OSBP2: variants seen among roughly 807,000 people sequenced by gnomAD.
The protein encoded by OSBP2 is oxysterol binding protein 2, also known as oxysterol-binding protein 2.
Under a neutral mutation model 96.0 loss-of-function variants are expected in OSBP2, and 66 were observed. The observed-to-expected ratio is 0.69, with a 90% confidence interval of 0.56 to 0.84. OSBP2 has a LOEUF of 0.84. Among genes scored for constraint, OSBP2 ranks in the 40% least tolerant of loss-of-function variants. OSBP2 has a pLI of 0.00. For missense variants in OSBP2, 1,038 were observed against 1,222.7 expected (o/e 0.85, Z 2.25); for synonymous variants, 525 against 520.9 (o/e 1.01, Z -0.11).
In OSBP2 at chr22:30,890,377, G is replaced by A. The variant is rs1263202875; in HGVS notation, c.1624-351G>A. On this transcript the variant is annotated intron_variant, in intron 7 of 13. Transcript: ENST00000332585. The surrounding 1 kb of genome is among the most constrained non-coding windows in gnomAD (Gnocchi z 4.4). Reference sequence around the variant, plus strand: ...ACTTCCTCCACCCACAGACTCATGTGCCCATTCAGTCACTGCTTCCTAAGA... The same window carrying A: ...ACTTCCTCCACCCACAGACTCATGTACCCATTCAGTCACTGCTTCCTAAGA... Among the ~76,000 whole-genome samples, 1 of 152,108 alleles carries A rather than the reference G, an allele frequency of 6.6e-6. No individual in the cohort carries two copies. Among genetic ancestry groups the A allele is most frequent in the Admixed American group, 6.5e-5 (1 of 15,268 alleles).
intron 2 of OSBP2, among the ~76,000 whole-genome samples, chr22:30,802,671 C>T (rs1391665456): frequency 6.6e-6 from 1 of 152,252 alleles, no homozygotes; most frequent in East Asian, 1.9e-4. Context: ...GAGAAGAAGG[C>T]TAATCCCAGC....
intron 1 of OSBP2, among the ~76,000 whole-genome samples, chr22:30,724,095 T>G (rs1377715968): frequency 2.0e-5 from 3 of 152,168 alleles, no homozygotes; most frequent in Non-Finnish European, 4.4e-5. Context: ...CCGTCTCCAT[T>G]AGTTTTGCCT....
chr22:30,802,610 C>T (rs1335745351), intron 2 of OSBP2, among the ~76,000 whole-genome samples: 3 of 152,244 alleles, frequency 2.0e-5, no homozygotes, highest in African/African-American at 7.2e-5. Flanking sequence ...CTTCCGCTGC[C>T]CGCCTGCGTC....
chr22:30,782,467 C>T (rs1033835733), intron 2 of OSBP2, among the ~76,000 whole-genome samples: 36 of 152,146 alleles, frequency 2.4e-4, no homozygotes, highest in African/African-American at 8.4e-4. Flanking sequence ...GGATTACAGG[C>T]GTGAGCCACT....
intron 1 of OSBP2, among the ~76,000 whole-genome samples, chr22:30,717,843 G>T (rs1356980739): frequency 6.6e-6 from 1 of 152,156 alleles, no homozygotes; most frequent in Non-Finnish European, 1.5e-5. Context: ...AGTGACAATG[G>T]GTTGTGTGTG....
In OSBP2 at chr22:30,887,465, C is replaced by T. The variant is rs748253574; in HGVS notation, c.1147C>T (p.Arg383Trp). ...CTTGGAACTAGCAGAGATACACAGT[C>T]GGAAATGGCAGCGGGCACTGCAGTA... Reference protein sequence around the residue: ...DFLELAEIHSRKWQRALQYEQ... With the variant: ...DFLELAEIHSWKWQRALQYEQ... The change falls in exon 4 of 14, where the codon CGG (arginine) becomes TGG (tryptophan). Residue 383 changes from arginine to tryptophan, a missense_variant. By Grantham distance (101) the Arg-to-Trp change is moderately radical (BLOSUM62 -3). Coordinates refer to ENST00000332585, the MANE Select transcript of OSBP2 (RefSeq NM_030758.4). 11 of 1,613,790 alleles carry T rather than the reference C, an allele frequency of 6.8e-6. No individual in the cohort carries two copies. Among genetic ancestry groups the T allele is most frequent in the South Asian group, 6.6e-5 (6 of 91,068 alleles).
At chr22:30,865,700 G>C (rs1054766566) in intron 2 of OSBP2, among the ~76,000 whole-genome samples, 1 of 151,480 alleles carries the variant, frequency 6.6e-6, no homozygotes, top group African/African-American at 2.4e-5. Flanking sequence ...GAAGGTGACC[G>C]GGCCAGGGGC....
At position 30,780,221 on chromosome 22, in the gene OSBP2, C is replaced by G. The variant is rs181543931; in HGVS notation, c.853+38852C>G. Among the ~76,000 whole-genome samples the G allele has an allele frequency of 2.1e-3, 318 of 152,336 alleles. 1 individual carries two copies. Among genetic ancestry groups the G allele is most frequent in the African/African-American group, 7.4e-3 (308 of 41,576 alleles). ...GTTGCCTCGTACCATTTCCTGCACC[C>G]CAGTGCTAATGCTTCTGCTGCAGAT... is the stretch of plus-strand genomic sequence containing the variant. On this transcript the variant is annotated intron_variant, in intron 2 of 13. Transcript: ENST00000332585.
At position 30,894,147 on chromosome 22, in the gene OSBP2, G is replaced by A. The variant is rs150198981; in HGVS notation, c.2375+146G>A. 112 of 645,774 alleles carry A rather than the reference G, an allele frequency of 1.7e-4. No homozygotes were observed. The Middle Eastern group carries it at 3.8e-3, about 22-fold the overall frequency. 40.0% of individuals were successfully genotyped at this position (645,774 alleles called of 1,614,324 possible). On this transcript the variant is annotated intron_variant, in intron 12 of 13. Transcript: ENST00000332585. ...AGTATTATGCAGCCGACATCCCAGT[G>A]TGAAGGCAGACACCGAACAGTAAAT... is the stretch of plus-strand genomic sequence containing the variant.
Position 30,695,308 on chromosome 22 carries a change from C to A in OSBP2, c.399C>A (p.Ser133Arg). The change falls in exon 1 of 14, where the codon AGC (serine) becomes AGA (arginine). Residue 133 changes from serine to arginine, a missense_variant. By Grantham distance (110) the Ser-to-Arg change is moderately radical. Around this residue, in one of 3 missense-constraint regions of OSBP2, gnomAD observed 281 missense variants for 273.4 expected, o/e 1.03. Transcript: ENST00000332585. ...ASEPLSRAVG[S>R]ATFLRPESGS... Reference sequence around the variant, plus strand: ...AGCCGCTCTCCCGGGCGGTGGGGAGCGCGACCTTTCTCAGACCCGAGTCAG... The same window carrying A: ...AGCCGCTCTCCCGGGCGGTGGGGAGAGCGACCTTTCTCAGACCCGAGTCAG... The A allele has an allele frequency of 1.9e-6, 3 of 1,613,428 alleles. No homozygotes were observed. The highest frequency in any genetic ancestry group is 2.5e-6 in the Non-Finnish European group (3 of 1,180,034).
At position 30,859,738 on chromosome 22, in the gene OSBP2, G is replaced by A. The variant is rs553867993; in HGVS notation, c.854-10691G>A. On this transcript the variant is annotated intron_variant, in intron 2 of 13. Transcript: ENST00000332585. ...GAGACTGGGAAAAGCATGATGGGCCGGATGAAAAAGCAAAACACCAAACTG... is the reference window on the plus strand; with the variant it reads ...GAGACTGGGAAAAGCATGATGGGCCAGATGAAAAAGCAAAACACCAAACTG... Among the ~76,000 whole-genome samples the A allele has an allele frequency of 2.6e-5, 4 of 152,364 alleles. No individual in the cohort carries two copies. The East Asian group carries it at 5.8e-4, about 22-fold the overall frequency.
chr22:30,786,078 C>T (rs1003459350), intron 2 of OSBP2, among the ~76,000 whole-genome samples: 1 of 151,922 alleles, frequency 6.6e-6, no homozygotes, highest in African/African-American at 2.4e-5. Flanking sequence ...GGCTGGAGTG[C>T]AATGGCACAA....
rs10427627 is a variant in OSBP2 at position 30,746,356 on chromosome 22, T to G, written c.853+4987T>G. Among the ~76,000 whole-genome samples, 984 of 152,090 alleles carry G rather than the reference T, an allele frequency of 6.5e-3. 10 individuals carry two copies. Among genetic ancestry groups the G allele is most frequent in the African/African-American group, 0.022 (932 of 41,486 alleles). On this transcript the variant is annotated intron_variant, in intron 2 of 13. Transcript: ENST00000332585. Reference sequence around the variant, plus strand: ...GGAGGATTGCTTGACCCCCAGAGGTTGAGGCTTCAGTGAGCCATGATTTCA... The same window carrying G: ...GGAGGATTGCTTGACCCCCAGAGGTGGAGGCTTCAGTGAGCCATGATTTCA...
At chr22:30,853,214 T>C (rs1390761105) in intron 2 of OSBP2, among the ~76,000 whole-genome samples, 2 of 152,350 alleles carry the variant, frequency 1.3e-5, no homozygotes, top group Middle Eastern at 6.8e-3. Context: ...TGTATTATCG[T>C]ATTGAAACCA....
At chr22:30,781,188 T>G (rs1156929449) in intron 2 of OSBP2, among the ~76,000 whole-genome samples, 3 of 149,380 alleles carry the variant, frequency 2.0e-5, no homozygotes, top group Non-Finnish European at 4.5e-5. Flanking sequence ...CACCATGTTG[T>G]GCAGGCTGGT....
chr22:30,739,928 C>A (rs943311160), intron 1 of OSBP2, among the ~76,000 whole-genome samples: 11 of 152,218 alleles, frequency 7.2e-5, no homozygotes, highest in Non-Finnish European at 7.4e-5. Context: ...CAACCTCTGC[C>A]TCCCCGGTCC....
chr22:30,862,189 G>A (rs1018644533), intron 2 of OSBP2, among the ~76,000 whole-genome samples: 1 of 152,180 alleles, frequency 6.6e-6, no homozygotes, highest in Non-Finnish European at 1.5e-5. Flanking sequence ...TAGCCTGGAG[G>A]GGCTGGGTCC....
chr22:30,777,301 G>A (rs768982620), intron 2 of OSBP2, among the ~76,000 whole-genome samples: 15 of 152,130 alleles, frequency 9.9e-5, no homozygotes, highest in South Asian at 4.1e-4. Context: ...GGAGGGACCC[G>A]GTGGGAAGTG....
chr22:30,852,843 A>G (rs1447102673), intron 2 of OSBP2, among the ~76,000 whole-genome samples: 1 of 152,030 alleles, frequency 6.6e-6, no homozygotes. Context: ...TTTATCTTTC[A>G]TTTCAGAATG....
Sources: allele counts gnomAD v4.1 joint callset (sites outside exome capture counted in the v4.1 genomes callset), GRCh38; gene constraint gnomAD v4.1.1; regional missense constraint gnomAD v4.1.1; non-coding constraint Gnocchi (gnomAD v3.1); transcripts MANE v1.5; gene names NCBI Gene and HGNC (gene_info 2026-07-23, HGNC 2026-07-21).